HOATZ: variants seen among roughly 807,000 people sequenced by gnomAD.
HOATZ encodes the protein HOATZ cilia and flagella associated protein, also known as cilia- and flagella-associated protein HOATZ.
Under a neutral mutation model 24.9 loss-of-function variants are expected in HOATZ, and 26 were observed. That is an observed-to-expected ratio of 1.04 (90% CI 0.76 to 1.45). The LOEUF (loss-of-function observed/expected upper bound fraction) is 1.45, where lower values mean the gene tolerates loss of function less well. HOATZ is among the 40% of genes most tolerant of loss of function. HOATZ has a pLI of 0.00. For synonymous variants in HOATZ, 83 were observed against 76.6 expected (o/e 1.08, Z -0.43); for missense variants, 226 against 201.5 (o/e 1.12, Z -0.74).
intron 4 of HOATZ, 137 bp from the exon 5 acceptor site, chr11:111,534,273 CCA>C: frequency 6.2e-6 from 4 of 642,876 alleles, no homozygotes; most frequent in Non-Finnish European, 1.1e-5. Context: ...CTGACCGACC[CCA>C]CAGTTTCCAG....
At chr11:111,530,036 TTTC>T (rs1867379202) in intron 3 of HOATZ, among the ~76,000 whole-genome samples, 1 of 152,222 alleles carries the variant, frequency 6.6e-6, no homozygotes, top group Non-Finnish European at 1.5e-5. Context: ...TTCTTACTCT[TTTC>T]AAGATTTTAA....
At chr11:111,520,993 C>T (rs1489905882) in intron 3 of HOATZ, among the ~76,000 whole-genome samples, 2 of 152,170 alleles carry the variant, frequency 1.3e-5, no homozygotes, top group Non-Finnish European at 2.9e-5. Context: ...ATCTAGGATT[C>T]GGTAGCATCC....
chr11:111,537,032 T>G lies in HOATZ; in HGVS notation c.*205T>G. On this transcript the variant is annotated 3_prime_UTR_variant, in exon 6 of 6. Transcript: ENST00000375618. ...TAAAGGTTAAATATGCAGGCTTCTATGAATTCTACCAGCTATTGAATATTT... is the reference window on the plus strand; with the variant it reads ...TAAAGGTTAAATATGCAGGCTTCTAGGAATTCTACCAGCTATTGAATATTT... 1 of 523,522 alleles carries G rather than the reference T, an allele frequency of 1.9e-6. No individual in the cohort carries two copies. The highest frequency in any genetic ancestry group is 3.1e-5 in the East Asian group (1 of 32,608). The allele number at this position is 523,522 out of a possible 1,614,324, so 32.4% of individuals were successfully genotyped here. A position where few individuals can be genotyped will look rare whatever the true frequency, so the allele number is the denominator to read the frequency against.
intron 3 of HOATZ, chr11:111,519,091 AC>A: frequency 4.4e-6 from 2 of 453,670 alleles, no homozygotes; most frequent in South Asian, 3.1e-5. Flanking sequence ...TATTTGTGTG[AC>A]CTTGAGCAAG....
At chr11:111,532,564 C>A (rs1867404713) in intron 3 of HOATZ, among the ~76,000 whole-genome samples, 1 of 152,162 alleles carries the variant, frequency 6.6e-6, no homozygotes, top group Non-Finnish European at 1.5e-5. Flanking sequence ...CAGCAAACCA[C>A]CAGAAACTAG....
intron 3 of HOATZ, among the ~76,000 whole-genome samples, chr11:111,520,256 CA>C (rs931759828): frequency 9.9e-4 from 150 of 152,216 alleles, no homozygotes; most frequent in African/African-American, 3.3e-3. Flanking sequence ...GAAAGCTCTT[CA>C]GCTGATTATC....
At position 111,514,971 on chromosome 11, in the gene HOATZ, C is replaced by T. The variant is rs757633014; in HGVS notation, c.187C>T (p.Arg63Cys). ...QLVLRRDSSQRLPVARPRRSR... is the reference protein window; with the variant it reads ...QLVLRRDSSQCLPVARPRRSR... ...GGTGCTGCGCAGAGACAGCAGTCAG[C>T]GTCTGCCGGTGGCGCGGCCCAGGAG... Residue 63 changes from arginine (R) to cysteine (C), a missense_variant, in exon 1 of 6, where the codon CGT (arginine) becomes TGT (cysteine). Transcript: ENST00000375618. 6.2e-7 allele frequency: 1 copy of T among 1,613,572 alleles called. No homozygotes were observed. Among genetic ancestry groups the T allele is most frequent in the Non-Finnish European group, 8.5e-7 (1 of 1,179,998 alleles).
At position 111,517,422 on chromosome 11, in the gene HOATZ, C is replaced by G. The variant is rs556112362; in HGVS notation, c.339+1312C>G. 9.3e-4 allele frequency among the ~76,000 whole-genome samples: 141 copies of G among 152,188 alleles called. 1 individual carries two copies. Among genetic ancestry groups the G allele is most frequent in the Middle Eastern group, 3.4e-3 (1 of 294 alleles). On this transcript the variant is annotated intron_variant, in intron 3 of 5. Transcript: ENST00000375618. ...TATCAGCTTTTGTCAAACAATAAGA[C>G]AATATGATGTGAATTACCAGTGGAG...
intron 3 of HOATZ, 96 bp downstream of exon 3, chr11:111,516,206 T>C: frequency 4.3e-6 from 3 of 704,126 alleles, no homozygotes; most frequent in Non-Finnish European, 7.1e-6. Flanking sequence ...CTGCTACTTC[T>C]AGTGCATCAG....
chr11:111,535,810 C>G (rs1194314925), intron 5 of HOATZ: 1 of 152,274 alleles, frequency 6.6e-6, no homozygotes, highest in Non-Finnish European at 1.5e-5. Context: ...AGGCGCCCAC[C>G]ACCATGCCCA....
rs974379881 is a variant in HOATZ, at chr11:111,528,689, G to A, written c.340-5057G>A. 5.3e-5 allele frequency among the ~76,000 whole-genome samples: 8 copies of A among 152,284 alleles called. No homozygotes were observed. In the East Asian group the frequency reaches 5.8e-4, roughly 11 times the overall value. The stretch of plus-strand genomic sequence containing the variant: ...ACCTGCTGTATTCTGATAAGCATGC[G>A]TTTTCTACAAGAATAAGAATGTTTC... On this transcript the variant is annotated intron_variant, in intron 3 of 5. Transcript: ENST00000375618.
rs140511693 is a variant in HOATZ, at chr11:111,528,994, G to C, written c.340-4752G>C. On this transcript the variant is annotated intron_variant, in intron 3 of 5. Transcript: ENST00000375618. ...AAGTTGTTCATTTTTACGTGGTTTA[G>C]TTTCTTCTACCTGTAAAGAGGTAAT... Among the ~76,000 whole-genome samples, 32 of 152,278 alleles carry C rather than the reference G, an allele frequency of 2.1e-4. 1 individual carries two copies. Among genetic ancestry groups the C allele is most frequent in the African/African-American group, 7.5e-4 (31 of 41,560 alleles).
In HOATZ at chr11:111,515,475, C is replaced by T. The variant is rs780566009; in HGVS notation, c.227-36C>T. 8.8e-6 allele frequency: 14 copies of T among 1,584,098 alleles called. No individual in the cohort carries two copies. In the South Asian group the frequency reaches 1.3e-4, roughly 15 times the overall value. On this transcript the variant is annotated intron_variant, in intron 1 of 5. Coordinates refer to ENST00000375618, the MANE Select transcript of HOATZ (RefSeq NM_001100388.2). The stretch of plus-strand genomic sequence containing the variant: ...AACGCCTTTAATGTTGTTGACTTTT[C>T]CAATGATTTCTTTACTTCCCTTTTG...
In HOATZ at chr11:111,515,167, A is replaced by G. The variant is rs74967462; in HGVS notation, c.226+157A>G. The stretch of plus-strand genomic sequence containing the variant: ...AAATATTTCCTGAACCCTTCCAGCA[A>G]CCCTTCCACCCGAAAAGGATCAGTG... On this transcript the variant is annotated intron_variant, in intron 1 of 5. Coordinates refer to ENST00000375618, the MANE Select transcript of HOATZ (RefSeq NM_001100388.2). 708 of 620,026 alleles carry G rather than the reference A, an allele frequency of 1.1e-3. 2 individuals are homozygous for G. In the African/African-American group the frequency reaches 0.011, roughly 10 times the overall value. The allele number at this position is 620,026 out of a possible 1,614,324, so 38.4% of individuals were successfully genotyped here. A position where few individuals can be genotyped will look rare whatever the true frequency, so the allele number is the denominator to read the frequency against.
intron 1 of HOATZ, 32 bp downstream of exon 1, chr11:111,515,042 A>G: frequency 6.5e-7 from 1 of 1,531,012 alleles, no homozygotes; most frequent in Non-Finnish European, 9.0e-7. Flanking sequence ...TGTCAGTCAT[A>G]TCTGCCTCAC....
At chr11:111,517,670 A>G (rs1212192014) in intron 3 of HOATZ, among the ~76,000 whole-genome samples, 5 of 152,196 alleles carry the variant, frequency 3.3e-5, no homozygotes, top group Non-Finnish European at 5.9e-5. Context: ...ATTATTATAT[A>G]TTATAATATC....
chr11:111,520,283 T>C (rs1353137972), intron 3 of HOATZ, among the ~76,000 whole-genome samples: 1 of 152,184 alleles, frequency 6.6e-6, no homozygotes, highest in African/African-American at 2.4e-5. Context: ...ATGAAAAGAA[T>C]TATAAATAAT....
chr11:111,525,914 A>G (rs150905344), intron 3 of HOATZ, among the ~76,000 whole-genome samples: 24 of 152,376 alleles, frequency 1.6e-4, no homozygotes, highest in Admixed American at 3.9e-4. Flanking sequence ...CTGCCCTTAT[A>G]TGAAATTTGG....
At chr11:111,518,947 T>C in intron 3 of HOATZ, 1 of 450,686 alleles carries the variant, frequency 2.2e-6, no homozygotes, top group South Asian at 1.6e-5. Context: ...TTTCTCATAG[T>C]ATTTGTACAG....
Sources: allele counts gnomAD v4.1 joint callset (sites outside exome capture counted in the v4.1 genomes callset), GRCh38; gene constraint gnomAD v4.1.1; transcripts MANE v1.5; gene names NCBI Gene and HGNC (gene_info 2026-07-23, HGNC 2026-07-21).